Variants in CCDC192 observed in about 807,000 individuals in gnomAD.
The protein encoded by CCDC192 is coiled-coil domain-containing protein 192.
At chr5:127,902,867 G>A (rs1487237017) in intron 6 of CCDC192, among the ~76,000 whole-genome samples, 1 of 152,106 alleles carries the variant, frequency 6.6e-6, no homozygotes, top group Non-Finnish European at 1.5e-5. Context: ...TAATTGCCTG[G>A]AGTTGCTCTG....
chr5:127,840,557 A>C (rs1215391786), intron 5 of CCDC192, among the ~76,000 whole-genome samples: 3 of 152,190 alleles, frequency 2.0e-5, no homozygotes, highest in African/African-American at 7.2e-5. Flanking sequence ...GAACAGAATA[A>C]AGACAAGTAC....
intron 5 of CCDC192, among the ~76,000 whole-genome samples, chr5:127,814,043 G>C (rs1391934283): frequency 1.3e-5 from 2 of 152,154 alleles, no homozygotes; most frequent in East Asian, 1.9e-4. Context: ...AGGGAGCCTT[G>C]GTTGTGAATT....
chr5:127,868,785 CA>C (rs879860922), intron 5 of CCDC192, among the ~76,000 whole-genome samples: 90 of 140,134 alleles, frequency 6.4e-4, no homozygotes, highest in Middle Eastern at 3.6e-3. Flanking sequence ...GAGACTCTGT[CA>C]AAAAAAAAAA....
intron 6 of CCDC192, among the ~76,000 whole-genome samples, chr5:127,899,801 C>A (rs1361729703): frequency 1.3e-5 from 2 of 152,114 alleles, no homozygotes; most frequent in East Asian, 3.8e-4. Context: ...GAATATTTAC[C>A]CAAATACCCT....
intron 3 of CCDC192, among the ~76,000 whole-genome samples, chr5:127,755,254 A>G (rs754530281): frequency 1.4e-4 from 21 of 152,264 alleles, no homozygotes; most frequent in Non-Finnish European, 2.8e-4. Context: ...ATTTTAAGGT[A>G]CTTTTAATAA....
At position 127,828,096 on chromosome 5, in the gene CCDC192, A is replaced by G. The variant is rs184295521; in HGVS notation, c.411+29934A>G. 3.8e-3 allele frequency among the ~76,000 whole-genome samples: 578 copies of G among 152,208 alleles called. 3 individuals carry two copies. The highest frequency in any genetic ancestry group is 0.013 in the African/African-American group (543 of 41,530). On this transcript the variant is annotated intron_variant, in intron 5 of 6. Coordinates refer to ENST00000514853, the MANE Select transcript of CCDC192 (RefSeq NM_001317938.2). ...TAATTTTCATATTTTTAGTAGAGAC[A>G]GGGTTTCACCATGTTGGCCAGGCTG...
chr5:127,880,098 C>A (rs1368569662), intron 6 of CCDC192, among the ~76,000 whole-genome samples: 1 of 152,026 alleles, frequency 6.6e-6, no homozygotes, highest in Non-Finnish European at 1.5e-5. Flanking sequence ...CATCCCATTA[C>A]TGGGTATATA....
At chr5:127,806,082 G>A (rs150055911) in intron 5 of CCDC192, among the ~76,000 whole-genome samples, 89 of 152,300 alleles carry the variant, frequency 5.8e-4, no homozygotes, top group African/African-American at 2.1e-3. Context: ...TGGTTAAGAA[G>A]CTAATCTGTA....
chr5:127,899,623 A>G (rs1471817523), intron 6 of CCDC192, among the ~76,000 whole-genome samples: 2 of 151,980 alleles, frequency 1.3e-5, no homozygotes, highest in Non-Finnish European at 2.9e-5. Context: ...CTGTCCATTC[A>G]AACCCAATCA....
intron 2 of CCDC192, among the ~76,000 whole-genome samples, chr5:127,728,194 C>A (rs1344514498): frequency 6.6e-6 from 1 of 150,896 alleles, no homozygotes; most frequent in Admixed American, 6.6e-5. Flanking sequence ...ATCCAGAGAA[C>A]CCCAATAAGA....
chr5:127,784,604 TC>T (rs1756429371), intron 3 of CCDC192: 1 of 603,936 alleles, frequency 1.7e-6, no homozygotes, highest in Admixed American at 2.1e-5. Context: ...GTCAGACCCT[TC>T]CTGGAGGGTT....
chr5:127,719,556 T>TACACACGCAC (rs1561445089), intron 2 of CCDC192, among the ~76,000 whole-genome samples: 1 of 17,712 alleles, frequency 5.6e-5, no homozygotes, highest in African/African-American at 1.3e-4. Flanking sequence ...TATATATATA[T>TACACACGCAC]ATACACACAT....
At chr5:127,831,710 A>G (rs1286322023) in intron 5 of CCDC192, among the ~76,000 whole-genome samples, 1 of 152,076 alleles carries the variant, frequency 6.6e-6, no homozygotes, top group Non-Finnish European at 1.5e-5. Flanking sequence ...ATTCATTAAT[A>G]TAAACATAAT....
intron 6 of CCDC192, among the ~76,000 whole-genome samples, chr5:127,889,763 T>C (rs935150656): frequency 1.3e-5 from 2 of 152,242 alleles, no homozygotes; most frequent in Non-Finnish European, 2.9e-5. Context: ...GGCCAGCACC[T>C]GGCCCCTGTA....
intron 6 of CCDC192, among the ~76,000 whole-genome samples, chr5:127,894,739 A>G (rs1387084782): frequency 1.3e-5 from 2 of 152,240 alleles, no homozygotes; most frequent in Non-Finnish European, 1.5e-5. Flanking sequence ...TAAATAGCTG[A>G]CAAAAGTAAG....
chr5:127,831,740 A>G (rs1289143021), intron 5 of CCDC192, among the ~76,000 whole-genome samples: 1 of 152,178 alleles, frequency 6.6e-6, no homozygotes, highest in African/African-American at 2.4e-5. Flanking sequence ...ACTTGAAAGT[A>G]TACATACACA....
chr5:127,804,154 A>G (rs951280971), intron 5 of CCDC192, among the ~76,000 whole-genome samples: 1 of 152,216 alleles, frequency 6.6e-6, no homozygotes, highest in Admixed American at 6.5e-5. Context: ...CCCTCCTAGA[A>G]TTCCAGGCCC....
chr5:127,776,226 G>A (rs1308998371), intron 3 of CCDC192, among the ~76,000 whole-genome samples: 1 of 152,194 alleles, frequency 6.6e-6, no homozygotes, highest in African/African-American at 2.4e-5. Flanking sequence ...TCTAGGCTGA[G>A]GTGGTCTCAG....
chr5:127,751,343 G>C (rs2126865603), intron 2 of CCDC192, among the ~76,000 whole-genome samples: 1 of 152,064 alleles, frequency 6.6e-6, no homozygotes, highest in East Asian at 1.9e-4. Context: ...TTGCTTGTCT[G>C]TAAAGTATTT....
Sources: allele counts gnomAD v4.1 joint callset (sites outside exome capture counted in the v4.1 genomes callset), GRCh38; gene constraint gnomAD v4.1.1; transcripts MANE v1.5; gene names NCBI Gene and HGNC (gene_info 2026-07-23, HGNC 2026-07-21).